The following CNTN5 variants were observed in gnomAD, a reference collection of about 807,000 sequenced individuals.
CNTN5 encodes contactin 5, also known as contactin-5.
CNTN5 carries 77 observed loss-of-function variants against 129.1 expected under a neutral mutation model. The observed-to-expected ratio is 0.60, with a 90% CI of 0.50 to 0.72. CNTN5 has a LOEUF of 0.72. CNTN5 is among the 30% of genes least tolerant of loss of function. The pLI is 0.00. For missense variants in CNTN5, 1,478 were observed against 1,328.8 expected (o/e 1.11, Z -1.75); for synonymous variants, 509 against 465.6 (o/e 1.09, Z -1.20).
At chr11:99,234,761 A>G (rs1861180220) in intron 1 of CNTN5, among the ~76,000 whole-genome samples, 2 of 152,112 alleles carry the variant, frequency 1.3e-5, no homozygotes, top group South Asian at 2.1e-4. Context: ...TTAATAAATA[A>G]TAAAAGTAAA....
intron 1 of CNTN5, among the ~76,000 whole-genome samples, chr11:99,096,541 T>C (rs1208681311): frequency 6.6e-6 from 1 of 151,818 alleles, no homozygotes; most frequent in Non-Finnish European, 1.5e-5. Flanking sequence ...ATAGGTTTTA[T>C]TTTATTTGAT....
chr11:99,241,322 T>G (rs112493093), intron 1 of CNTN5, among the ~76,000 whole-genome samples: 2,221 of 147,122 alleles, frequency 0.015, 67 homozygotes, highest in African/African-American at 0.053. Flanking sequence ...TTGTTGGTTT[T>G]TTTTTTTTTT....
At chr11:99,843,564 T>C (rs1245518102) in intron 4 of CNTN5, among the ~76,000 whole-genome samples, 1 of 152,222 alleles carries the variant, frequency 6.6e-6, no homozygotes, top group Non-Finnish European at 1.5e-5. Context: ...ATTGGAACTA[T>C]GTCTTTACTG....
chr11:99,110,204 A>T (rs933699921), intron 1 of CNTN5, among the ~76,000 whole-genome samples: 4 of 152,122 alleles, frequency 2.6e-5, no homozygotes, highest in African/African-American at 9.6e-5. Flanking sequence ...AAGGAGAAAG[A>T]AGGAATACTC....
chr11:100,271,305 A>G (rs1213601290), intron 18 of CNTN5, 64 bp downstream of exon 18: 2 of 1,172,676 alleles, frequency 1.7e-6, no homozygotes, highest in East Asian at 5.2e-5. Context: ...AGTGAGTTGA[A>G]TTAACCATGA....
At chr11:99,904,444 A>T (rs939543902) in intron 6 of CNTN5, among the ~76,000 whole-genome samples, 5 of 152,058 alleles carry the variant, frequency 3.3e-5, no homozygotes, top group African/African-American at 9.7e-5. Flanking sequence ...TTCCAGCTTC[A>T]TCCATGTCCC....
intron 1 of CNTN5, among the ~76,000 whole-genome samples, chr11:99,036,405 A>G (rs1041086917): frequency 6.6e-6 from 1 of 152,092 alleles, no homozygotes. Flanking sequence ...ATTTTTCTTA[A>G]TATAATTTTG....
At chr11:99,212,684 T>G (rs1422701570) in intron 1 of CNTN5, among the ~76,000 whole-genome samples, 1 of 152,100 alleles carries the variant, frequency 6.6e-6, no homozygotes, top group Non-Finnish European at 1.5e-5. Flanking sequence ...TTTTATGTTA[T>G]TTAGGGGAAT....
intron 3 of CNTN5, among the ~76,000 whole-genome samples, chr11:99,698,444 G>A (rs1954368986): frequency 1.3e-5 from 2 of 151,344 alleles, no homozygotes; most frequent in Non-Finnish European, 3.0e-5. Flanking sequence ...GTCCCTAACT[G>A]TGTTTTCATG....
chr11:99,599,963 GA>G (rs1212802659), intron 3 of CNTN5, among the ~76,000 whole-genome samples: 2 of 152,094 alleles, frequency 1.3e-5, no homozygotes, highest in East Asian at 3.9e-4. Flanking sequence ...AAAGTAAAGA[GA>G]AAAAAACCTT....
chr11:100,223,497 T>G (rs1229061717), intron 15 of CNTN5, among the ~76,000 whole-genome samples: 1 of 152,198 alleles, frequency 6.6e-6, no homozygotes, highest in Non-Finnish European at 1.5e-5. Context: ...CTAGTTTTTA[T>G]GATTTTCATA....
chr11:99,914,465 C>T (rs1034156796), intron 6 of CNTN5, among the ~76,000 whole-genome samples: 1 of 151,980 alleles, frequency 6.6e-6, no homozygotes, highest in Non-Finnish European at 1.5e-5. Flanking sequence ...TGTATTATCT[C>T]ATACATATGA....
At chr11:99,497,587 G>A (rs143297027) in intron 2 of CNTN5, among the ~76,000 whole-genome samples, 120 of 152,142 alleles carry the variant, frequency 7.9e-4, no homozygotes, top group African/African-American at 2.4e-3. Flanking sequence ...GGAAACAAAC[G>A]AATAAAAACA....
chr11:100,305,596 C>T (rs1951329867), intron 20 of CNTN5, among the ~76,000 whole-genome samples: 1 of 151,668 alleles, frequency 6.6e-6, no homozygotes. Context: ...GAGTCCTTTC[C>T]ATTTGCAACT....
chr11:100,061,772 A>G (rs1943494161), intron 10 of CNTN5, among the ~76,000 whole-genome samples: 1 of 152,162 alleles, frequency 6.6e-6, no homozygotes, highest in Admixed American at 6.6e-5. Flanking sequence ...CCCAGGTGCC[A>G]TTTTTTGTAA....
At chr11:100,249,776 T>C (rs1949925785) in intron 16 of CNTN5, among the ~76,000 whole-genome samples, 1 of 152,134 alleles carries the variant, frequency 6.6e-6, no homozygotes, top group Non-Finnish European at 1.5e-5. Flanking sequence ...AAAAGTAGAA[T>C]CATTAACAGG....
At chr11:99,667,863 G>A (rs1952859973) in intron 3 of CNTN5, among the ~76,000 whole-genome samples, 1 of 151,838 alleles carries the variant, frequency 6.6e-6, no homozygotes, top group Admixed American at 6.6e-5. Flanking sequence ...CATGGCACAG[G>A]TATATCTGTG....
At chr11:99,128,363 G>A (rs573704201) in intron 1 of CNTN5, among the ~76,000 whole-genome samples, 1 of 152,334 alleles carries the variant, frequency 6.6e-6, no homozygotes, top group African/African-American at 2.4e-5. Flanking sequence ...TAGCACAGCA[G>A]CTGTGGCAGA....
chr11:99,259,364 A>C (rs1171117385), intron 1 of CNTN5, among the ~76,000 whole-genome samples: 1 of 151,854 alleles, frequency 6.6e-6, no homozygotes, highest in Non-Finnish European at 1.5e-5. Context: ...TAATATATTC[A>C]CATGCCATGT....
Sources: gnomAD v4.1 joint callset for allele counts (sites outside exome capture counted in the v4.1 genomes callset) on GRCh38, gnomAD v4.1.1 for gene constraint, MANE v1.5 for transcripts, NCBI Gene and HGNC (gene_info 2026-07-23, HGNC 2026-07-21) for gene names.